The following POU2F2 variants were observed in gnomAD, a reference collection of about 807,000 sequenced individuals.
POU2F2 encodes the protein POU class 2 homeobox 2.
Under a neutral mutation model 63.5 loss-of-function variants are expected in POU2F2, and 14 were observed. The observed-to-expected ratio is 0.22, with a 90% CI of 0.15 to 0.34. POU2F2 has a LOEUF of 0.34. Ranked by LOEUF, POU2F2 falls within the 10% of genes least tolerant of loss-of-function variation. The pLI is 1.00. For synonymous variants in POU2F2, 306 were observed against 348.6 expected (o/e 0.88, Z 1.36); for missense variants, 607 against 815.2 (o/e 0.74, Z 3.11).
chr19:42,107,690 C>T (rs1169386817), intron 5 of POU2F2, among the ~76,000 whole-genome samples: 1 of 152,112 alleles, frequency 6.6e-6, no homozygotes, highest in East Asian at 1.9e-4. Context: ...TAATTTTTTT[C>T]CCATCCAAGT....
rs139307071 is a variant in POU2F2, at chr19:42,169,204, C to A, written c.-70+6759G>T. Among the ~76,000 whole-genome samples, 2 of 152,228 alleles carry A rather than the reference C, an allele frequency of 1.3e-5. No homozygotes were observed. Among genetic ancestry groups the A allele is most frequent in the African/African-American group, 2.4e-5 (1 of 41,458 alleles). Reference sequence around the variant, plus strand: ...GCTATAACTCAGGGCATGGCCCTTTCGGTCACCACGTGTGGCCTCCCTGTG... The same window carrying A: ...GCTATAACTCAGGGCATGGCCCTTTAGGTCACCACGTGTGGCCTCCCTGTG... On this transcript the variant is annotated intron_variant, in intron 1 of 6. Coordinates refer to the POU2F2 transcript ENST00000524801. This position sits in a 1 kb window ranked among gnomAD's most constrained non-coding sequence, Gnocchi z 4.3.
chr19:42,122,735 C>A (rs1195614173), intron 1 of POU2F2, among the ~76,000 whole-genome samples, 159 bp from the exon 2 acceptor site: 1 of 152,096 alleles, frequency 6.6e-6, no homozygotes, highest in Non-Finnish European at 1.5e-5. Context: ...GTCCTCCGTT[C>A]TGGGCCTCTG....
chr19:42,184,136 G>A (rs529631504), intron 1 of POU2F2, among the ~76,000 whole-genome samples: 52 of 151,742 alleles, frequency 3.4e-4, no homozygotes, highest in Middle Eastern at 3.4e-3. Flanking sequence ...GACGACAGGC[G>A]TGCACCACCA....
rs905056060 is a variant in POU2F2, at chr19:42,146,660, C to T, written c.-9+13672G>A. ...TCTGTGGAGTCTCCTAAGGGAAGGC[C>T]CCCCCATTCACATCTGTGCAAGATC... On this transcript the variant is annotated intron_variant, in intron 2 of 6. Transcript: ENST00000524801. Among the ~76,000 whole-genome samples the T allele has an allele frequency of 8.2e-4, 6 of 7,344 alleles. No homozygotes were observed. In the African/African-American group the frequency reaches 0.033, roughly 40 times the overall value. 4.8% of individuals were successfully genotyped at this position (7,344 alleles called of 152,430 possible). A position where few individuals can be genotyped will look rare whatever the true frequency, so the allele number is the denominator to read the frequency against.
Position 42,110,459 on chromosome 19 carries a change from CGCCTAACCTAGGGGAAGGTTA to C in POU2F2, c.369+6770_369+6790del, listed in dbSNP as rs2030900724. On this transcript the variant is annotated intron_variant, in intron 5 of 14. Coordinates refer to ENST00000692977, the MANE Select transcript of POU2F2 (RefSeq NM_001394376.1). The stretch of plus-strand genomic sequence containing the variant: ...CCTGGCAACAACACCAACAAGGAAA[CGCCTAACCTAGGGGAAGGTTA>C]GACTAGTGGGGTGCAAGGGTCCCTT... 3 of 162,104 alleles carry C rather than the reference CGCCTAACCTAGGGGAAGGTTA, an allele frequency of 1.9e-5. No individual in the cohort carries two copies. The South Asian group carries it at 4.4e-4, about 24-fold the overall frequency. The allele number at this position is 162,104 out of a possible 1,614,324, so 10.0% of individuals were successfully genotyped here.
intron 5 of POU2F2, among the ~76,000 whole-genome samples, chr19:42,101,976 CAAAAAAA>C: frequency 1.2e-5 from 1 of 85,324 alleles, no homozygotes; most frequent in Admixed American, 1.4e-4. Flanking sequence ...GACTCCATCT[CAAAAAAA>C]AAAAAAAAAG....
upstream of POU2F2, among the ~76,000 whole-genome samples, chr19:42,135,545 T>A (rs1345128638): frequency 1.3e-5 from 2 of 152,056 alleles, no homozygotes; most frequent in Non-Finnish European, 1.5e-5. Context: ...GGTCCCCCAG[T>A]GGGCCTCAGA....
rs770971881 is a variant in POU2F2 at position 42,092,175 on chromosome 19, T to A, written c.1360A>T (p.Ile454Phe). The change falls in exon 13 of 15, where the codon ATC (isoleucine) becomes TTC (phenylalanine). Residue 454 changes from isoleucine (I) to phenylalanine (F), a missense_variant. Physicochemically the swap from Ile to Phe is conservative, Grantham distance 21. This residue lies in a region of POU2F2 where 270 missense variants were observed against 307.5 expected (regional missense o/e 0.88). Transcript: ENST00000692977. This position sits in a 1 kb window ranked among gnomAD's most constrained non-coding sequence, Gnocchi z 5.0. ...GGGGGTGGGGGAGTGACAGAGGGGA[T>A]GGAATTGAGGGGGGGCGCAGCCCCG... ...GGGAAPPLNS[I>F]PSVTPPPPAT... 1.3e-6 allele frequency: 2 copies of A among 1,486,356 alleles called. No homozygotes were observed. Among genetic ancestry groups the A allele is most frequent in the Non-Finnish European group, 1.8e-6 (2 of 1,097,028 alleles). 92.1% of individuals were successfully genotyped at this position (1,486,356 alleles called of 1,614,324 possible). A position where few individuals can be genotyped will look rare whatever the true frequency, so the allele number is the denominator to read the frequency against.
intron 7 of POU2F2, among the ~76,000 whole-genome samples, chr19:42,098,412 C>CAAAAAAAAAAAAAAAAAAAAAAAAAA (rs1218709430): frequency 1.8e-5 from 1 of 56,348 alleles, no homozygotes; most frequent in Non-Finnish European, 3.8e-5. Flanking sequence ...GACTCCATCT[C>CAAAAAAAAAAAAAAAAAAAAAAAAAA]AAAAAAAAAA....
chr19:42,132,329 A>T, intron 1 of POU2F2, 55 bp downstream of exon 1: 5 of 1,581,216 alleles, frequency 3.2e-6, no homozygotes, highest in Non-Finnish European at 4.3e-6. Context: ...CCGCAGAGCA[A>T]ACCTAAATGT....
In POU2F2 at chr19:42,096,033, C is replaced by T. The variant is rs754290737; in HGVS notation, c.729+49G>A. 5 of 1,610,316 alleles carry T rather than the reference C, an allele frequency of 3.1e-6. No individual in the cohort carries two copies. Among genetic ancestry groups the T allele is most frequent in the African/African-American group, 2.7e-5 (2 of 74,914 alleles). ...CCACGCCCCTCGCGGCATCTATCAA[C>T]TGGCCACGCCCCCACGCCCACCGCC... On this transcript the variant is annotated intron_variant, in intron 8 of 14. Transcript: ENST00000692977. This position sits in a 1 kb window ranked among gnomAD's most constrained non-coding sequence, Gnocchi z 4.1.
chr19:42,109,048 T>C (rs992714560), intron 5 of POU2F2, among the ~76,000 whole-genome samples: 7 of 152,246 alleles, frequency 4.6e-5, no homozygotes, highest in African/African-American at 9.6e-5. Context: ...ACTTTGGCTA[T>C]GACTGGGGGC....
Position 42,091,167 on chromosome 19 carries a change from T to C in POU2F2, c.*90A>G. On this transcript the variant is annotated 3_prime_UTR_variant, in exon 15 of 15. Coordinates refer to ENST00000692977, the MANE Select transcript of POU2F2 (RefSeq NM_001394376.1). Reference sequence around the variant, plus strand: ...TGTCACTCCTGCTCTGAGGACCCTCTGCGTCCCCACCACTGGCCTCCTCGC... The same window carrying C: ...TGTCACTCCTGCTCTGAGGACCCTCCGCGTCCCCACCACTGGCCTCCTCGC... 8.0e-7 allele frequency: 1 copy of C among 1,250,072 alleles called. No individual in the cohort carries two copies. The allele number at this position is 1,250,072 out of a possible 1,614,324, so 77.4% of individuals were successfully genotyped here.
intron 1 of POU2F2, among the ~76,000 whole-genome samples, 186 bp downstream of exon 1, chr19:42,132,198 G>GA (rs2146730594): frequency 6.6e-6 from 1 of 152,346 alleles, no homozygotes; most frequent in South Asian, 2.1e-4. Context: ...GCCTGATGTG[G>GA]AAAGAGAGGG....
intron 5 of POU2F2, among the ~76,000 whole-genome samples, chr19:42,104,700 T>C (rs2077270063): frequency 6.6e-6 from 1 of 152,168 alleles, no homozygotes; most frequent in Non-Finnish European, 1.5e-5. Context: ...AGTTGATGTC[T>C]GGAAAACCAT....
upstream of POU2F2, among the ~76,000 whole-genome samples, chr19:42,180,668 A>G (rs992959289): frequency 2.0e-5 from 3 of 152,154 alleles, no homozygotes; most frequent in African/African-American, 7.2e-5. Flanking sequence ...GACCAAGTAC[A>G]TAATAATTGT....
rs2076767979 is a variant in POU2F2 at position 42,092,716 on chromosome 19, T to C, written c.1265-446A>G. On this transcript the variant is annotated intron_variant, in intron 12 of 14. Coordinates refer to ENST00000692977, the MANE Select transcript of POU2F2 (RefSeq NM_001394376.1). This position sits in a 1 kb window ranked among gnomAD's most constrained non-coding sequence, Gnocchi z 5.0. The stretch of plus-strand genomic sequence containing the variant: ...AACTCCTGGCTCTGTCTCATCCCAG[T>C]GGTGCCCTTGGGTGAGTGCCTTAAC... Among the ~76,000 whole-genome samples the C allele has an allele frequency of 6.6e-6, 1 of 152,138 alleles. No individual in the cohort carries two copies. Among genetic ancestry groups the C allele is most frequent in the South Asian group, 2.1e-4 (1 of 4,832 alleles).
chr19:42,112,153 T>A, intron 5 of POU2F2, among the ~76,000 whole-genome samples: 1 of 152,350 alleles, frequency 6.6e-6, no homozygotes, highest in East Asian at 1.9e-4. Context: ...GCTCCTGGAC[T>A]CCAAGGCCCT....
chr19:42,116,129 C>G (rs967828590), intron 5 of POU2F2, among the ~76,000 whole-genome samples: 2 of 152,070 alleles, frequency 1.3e-5, no homozygotes, highest in African/African-American at 4.8e-5. Flanking sequence ...CTTAAGCCAC[C>G]CAGTTTATGG....
Sources: gnomAD v4.1 joint callset for allele counts (sites outside exome capture counted in the v4.1 genomes callset) on GRCh38, gnomAD v4.1.1 for gene constraint, gnomAD v4.1.1 regional missense constraint, Gnocchi (gnomAD v3.1) non-coding constraint, MANE v1.5 for transcripts, NCBI Gene and HGNC (gene_info 2026-07-23, HGNC 2026-07-21) for gene names.